Variants in ZNF487 observed in about 807,000 individuals in gnomAD.
ZNF487 encodes zinc finger protein 487, also known as KRAB domain only 1.
In ZNF487, 4 loss-of-function variants were observed where a neutral mutation model predicts 3.0. The ratio of observed to expected loss-of-function variants is 1.35; its 90% confidence interval spans 0.66 to 3.08. ZNF487 has a LOEUF of 3.08. Among genes scored for constraint, ZNF487 ranks in the 30% most tolerant of loss-of-function variants. The probability of loss-of-function intolerance (pLI) is 0.01; values close to 1 mark genes in which losing one functional copy is unlikely to be tolerated. For synonymous variants in ZNF487, 55 were observed against 34.6 expected, an observed-to-expected ratio of 1.59 and a Z score of -2.06; for missense variants, 146 against 98.7, an observed-to-expected ratio of 1.48 and a Z score of -2.03.
chr10:43,508,070 A>G, the ZNF487 span, among the ~76,000 whole-genome samples: 2 of 152,162 alleles, frequency 1.3e-5, no homozygotes, highest in Non-Finnish European at 2.9e-5. Context: ...ATTGCAAGAA[A>G]AATCCTCCTC....
At chr10:43,456,081 G>T (rs1009763189) in intron 1 of ZNF487, among the ~76,000 whole-genome samples, 14 of 152,178 alleles carry the variant, frequency 9.2e-5, no homozygotes, top group African/African-American at 3.4e-4. Context: ...AGGGTTCGTG[G>T]GCCCGCACTT....
intron 1 of ZNF487, among the ~76,000 whole-genome samples, chr10:43,441,076 A>G (rs572826118): frequency 2.3e-3 from 157 of 69,250 alleles, no homozygotes; most frequent in Non-Finnish European, 3.2e-3. Context: ...TTTGGTGGAG[A>G]CAGGGTCTCC....
chr10:43,450,790 TA>T (rs1400379461), intron 1 of ZNF487, among the ~76,000 whole-genome samples: 3 of 152,138 alleles, frequency 2.0e-5, no homozygotes, highest in Admixed American at 2.0e-4. Context: ...AAGTATAAAA[TA>T]ACAGTAGATA....
In ZNF487 at chr10:43,472,706, T is replaced by C. The variant is rs146049945; in HGVS notation, c.-93-3015T>C. ...CTTCTCAGCCTCTTGATCACTATGCTCCAGCTCGACTTGCCTTCTTGCTGG... is the reference window on the plus strand; with the variant it reads ...CTTCTCAGCCTCTTGATCACTATGCCCCAGCTCGACTTGCCTTCTTGCTGG... On this transcript the variant is annotated intron_variant, in intron 1 of 3. Transcript: ENST00000437590. 3.9e-5 allele frequency among the ~76,000 whole-genome samples: 6 copies of C among 152,308 alleles called. No individual in the cohort carries two copies. The East Asian group carries it at 1.2e-3, about 29-fold the overall frequency.
intron 1 of ZNF487, among the ~76,000 whole-genome samples, chr10:43,441,880 C>T (rs1354161223): frequency 1.3e-5 from 2 of 152,214 alleles, no homozygotes; most frequent in Non-Finnish European, 2.9e-5. Context: ...AGCCACCATG[C>T]CCAGCCTTCC....
At chr10:43,498,090 TATATATATATTTTTTTTTTTTTTC>T in the ZNF487 span, among the ~76,000 whole-genome samples, 3 of 16,742 alleles carry the variant, frequency 1.8e-4, no homozygotes, top group South Asian at 2.3e-3. Flanking sequence ...TATATATATA[TATATATATATTTTTTTTTTTTTTC>T]TTTTTTTTTT....
chr10:43,510,168 G>C, the ZNF487 span, among the ~76,000 whole-genome samples: 1 of 152,164 alleles, frequency 6.6e-6, no homozygotes, highest in Non-Finnish European at 1.5e-5. Context: ...TAACAAAAGA[G>C]GGAGGAAATA....
At chr10:43,511,316 C>T in the ZNF487 span, among the ~76,000 whole-genome samples, 2 of 152,160 alleles carry the variant, frequency 1.3e-5, no homozygotes, top group Non-Finnish European at 2.9e-5. Context: ...GAGCCCACTG[C>T]CGCACTTTTT....
intron 3 of ZNF487, among the ~76,000 whole-genome samples, chr10:43,477,886 G>A (rs1025566179): frequency 2.6e-5 from 4 of 151,730 alleles, no homozygotes; most frequent in South Asian, 2.1e-4. Context: ...GGCAGCAGAC[G>A]TTGGAGTGAG....
chr10:43,464,759 A>G (rs1840598088), intron 1 of ZNF487, among the ~76,000 whole-genome samples: 1 of 152,226 alleles, frequency 6.6e-6, no homozygotes, highest in African/African-American at 2.4e-5. Flanking sequence ...AAAGTCTGCC[A>G]TGTCTACTTC....
rs544515276 is a variant in ZNF487, at chr10:43,467,997, T to C, written c.-93-7724T>C. Reference sequence around the variant, plus strand: ...GTCCAATTAACAACATTAATAGGAATTTGGAAGAACTTGAATCCAACCCTT... The same window carrying C: ...GTCCAATTAACAACATTAATAGGAACTTGGAAGAACTTGAATCCAACCCTT... On this transcript the variant is annotated intron_variant, in intron 1 of 3. Coordinates refer to ENST00000437590, the MANE Select transcript of ZNF487 (RefSeq NM_001355444.3). 1.1e-4 allele frequency among the ~76,000 whole-genome samples: 17 copies of C among 152,174 alleles called. No homozygotes were observed. In the South Asian group the frequency reaches 1.5e-3, roughly 13 times the overall value.
At chr10:43,448,420 C>T (rs776647285) in intron 1 of ZNF487, among the ~76,000 whole-genome samples, 1 of 152,094 alleles carries the variant, frequency 6.6e-6, no homozygotes, top group African/African-American at 2.4e-5. Flanking sequence ...GCATTCATTT[C>T]ATCTCTTATT....
At chr10:43,458,438 G>A (rs967083766) in intron 1 of ZNF487, among the ~76,000 whole-genome samples, 5 of 152,138 alleles carry the variant, frequency 3.3e-5, no homozygotes, top group Non-Finnish European at 5.9e-5. Flanking sequence ...CTTCAAAGGA[G>A]GCAATCAGCT....
chr10:43,502,035 A>G, the ZNF487 span, among the ~76,000 whole-genome samples: 10 of 152,338 alleles, frequency 6.6e-5, no homozygotes, highest in African/African-American at 1.9e-4. Flanking sequence ...ATTACTGGGT[A>G]TATACCCAAA....
the ZNF487 span, among the ~76,000 whole-genome samples, chr10:43,511,003 C>T: frequency 5.9e-5 from 9 of 152,184 alleles, no homozygotes; most frequent in South Asian, 2.1e-4. Context: ...CGTAATTTTG[C>T]GGGAACAGGA....
chr10:43,492,674 C>T, the ZNF487 span, among the ~76,000 whole-genome samples: 3 of 152,196 alleles, frequency 2.0e-5, no homozygotes, highest in Middle Eastern at 6.8e-3. Flanking sequence ...AGAATGATTT[C>T]GATTTCCTGA....
the ZNF487 span, among the ~76,000 whole-genome samples, chr10:43,511,718 T>C: frequency 6.6e-6 from 1 of 152,140 alleles, no homozygotes; most frequent in Non-Finnish European, 1.5e-5. Flanking sequence ...ACTTTGTTCA[T>C]GGGCCCATTA....
At chr10:43,440,053 TA>T (rs200408792) in intron 1 of ZNF487, among the ~76,000 whole-genome samples, 26 of 16,796 alleles carry the variant, frequency 1.5e-3, no homozygotes, top group East Asian at 4.2e-3. Context: ...TATATATATA[TA>T]TTTTTTTTTT....
intron 1 of ZNF487, among the ~76,000 whole-genome samples, chr10:43,466,929 C>T (rs962647434): frequency 5.3e-5 from 8 of 151,704 alleles, no homozygotes; most frequent in African/African-American, 1.9e-4. Flanking sequence ...ATTGCAATGG[C>T]GTGATCTTGG....
Sources: gnomAD v4.1 joint callset for allele counts (sites outside exome capture counted in the v4.1 genomes callset) on GRCh38, gnomAD v4.1.1 for gene constraint, MANE v1.5 for transcripts, NCBI Gene and HGNC (gene_info 2026-07-23, HGNC 2026-07-21) for gene names.